The following CA10 variants were observed in gnomAD, a reference collection of about 807,000 sequenced individuals.
The protein encoded by CA10 is carbonic anhydrase-related protein 10.
Under a neutral mutation model 44.2 loss-of-function variants are expected in CA10, and 14 were observed. The observed-to-expected ratio is 0.32, with a 90% CI of 0.21 to 0.50. The LOEUF (loss-of-function observed/expected upper bound fraction) is 0.50. CA10 is among the 20% of genes least tolerant of loss of function. CA10 has a pLI of 0.99. For synonymous variants in CA10, 159 were observed against 141.6 expected, an observed-to-expected ratio of 1.12 and a Z score of -0.87; for missense variants, 350 against 409.7, an observed-to-expected ratio of 0.85 and a Z score of 1.26.
intron 3 of CA10, among the ~76,000 whole-genome samples, chr17:51,887,120 A>G (rs758395820): frequency 1.6e-4 from 25 of 152,034 alleles, no homozygotes; most frequent in Non-Finnish European, 3.4e-4. Context: ...TATATATCCT[A>G]TAAGTCTGTT....
chr17:51,866,486 T>C (rs73346530), intron 3 of CA10, among the ~76,000 whole-genome samples: 9,484 of 152,242 alleles, frequency 0.062, 981 homozygotes, highest in African/African-American at 0.22. Context: ...AGACCATGCT[T>C]CCAGTGACTC....
chr17:52,071,964 G>A (rs1333982118), intron 2 of CA10, among the ~76,000 whole-genome samples: 1 of 152,196 alleles, frequency 6.6e-6, no homozygotes, highest in Non-Finnish European at 1.5e-5. Flanking sequence ...GACAGCATGT[G>A]TTCCAGCAGC....
chr17:52,057,758 G>A (rs1987270411), intron 2 of CA10, among the ~76,000 whole-genome samples: 1 of 152,060 alleles, frequency 6.6e-6, no homozygotes, highest in Non-Finnish European at 1.5e-5. Flanking sequence ...CCAGCACCTG[G>A]GGATAATAAA....
chr17:52,066,545 G>A (rs575460778), intron 2 of CA10, among the ~76,000 whole-genome samples: 1 of 152,282 alleles, frequency 6.6e-6, no homozygotes, highest in East Asian at 1.9e-4. Context: ...GAGTTCCTCT[G>A]CACAAGCTCT....
intron 2 of CA10, among the ~76,000 whole-genome samples, chr17:52,065,261 T>C (rs1987502258): frequency 6.6e-6 from 1 of 152,250 alleles, no homozygotes; most frequent in Non-Finnish European, 1.5e-5. Context: ...ACTAGGCTTT[T>C]TAAAACCTTG....
intron 2 of CA10, among the ~76,000 whole-genome samples, chr17:51,953,021 T>C (rs1212769473): frequency 1.3e-5 from 2 of 152,160 alleles, no homozygotes; most frequent in Non-Finnish European, 2.9e-5. Context: ...CTCAGTCTCC[T>C]AAAGTATTAG....
At chr17:52,012,447 A>G (rs2144138026) in intron 2 of CA10, among the ~76,000 whole-genome samples, 1 of 152,152 alleles carries the variant, frequency 6.6e-6, no homozygotes, top group Middle Eastern at 3.4e-3. Context: ...AAATGGTAGA[A>G]GCTGAGTCTA....
At chr17:51,897,425 T>G (rs1981119332) in intron 3 of CA10, among the ~76,000 whole-genome samples, 1 of 152,176 alleles carries the variant, frequency 6.6e-6, no homozygotes, top group Admixed American at 6.6e-5. Flanking sequence ...TTGTTCTGTG[T>G]GCCTGTTTTT....
intron 4 of CA10, among the ~76,000 whole-genome samples, chr17:51,746,699 A>G (rs1308537519): frequency 6.6e-6 from 1 of 152,172 alleles, no homozygotes; most frequent in East Asian, 1.9e-4. Flanking sequence ...GTGCCTAGGC[A>G]GGCTCTTAGT....
chr17:51,924,909 C>T (rs753667290), intron 3 of CA10, among the ~76,000 whole-genome samples: 12 of 152,124 alleles, frequency 7.9e-5, no homozygotes, highest in South Asian at 4.1e-4. Context: ...AGGAAATTGG[C>T]GACAACAGTA....
At chr17:51,721,561 C>T (rs1916349678) in intron 4 of CA10, among the ~76,000 whole-genome samples, 1 of 151,882 alleles carries the variant, frequency 6.6e-6, no homozygotes, top group Non-Finnish European at 1.5e-5. Flanking sequence ...TCTCGAACTC[C>T]TGAGCTCAAG....
rs76145078 is a variant in CA10 at position 51,821,333 on chromosome 17, G to A, written c.280-73515C>T. 3.4e-4 allele frequency among the ~76,000 whole-genome samples: 51 copies of A among 151,802 alleles called. 2 individuals carry two copies. The East Asian group carries it at 9.9e-3, about 29-fold the overall frequency. On this transcript the variant is annotated intron_variant, in intron 3 of 8. Transcript: ENST00000451037. ...AAGTGCCATGGACAGGTGGAAAGAG[G>A]GAAAGTCAATATTGAACGACCATCC... is the stretch of plus-strand genomic sequence containing the variant.
intron 2 of CA10, among the ~76,000 whole-genome samples, chr17:51,962,982 A>G (rs1408412850): frequency 1.3e-5 from 2 of 152,204 alleles, no homozygotes; most frequent in Non-Finnish European, 2.9e-5. Context: ...AGGAAGCTCA[A>G]TGATATCTAA....
At chr17:51,702,831 A>T (rs2143464876) in intron 4 of CA10, among the ~76,000 whole-genome samples, 1 of 152,296 alleles carries the variant, frequency 6.6e-6, no homozygotes, top group East Asian at 1.9e-4. Flanking sequence ...CTCCTCTTCC[A>T]GTTCCTATAA....
intron 3 of CA10, among the ~76,000 whole-genome samples, chr17:51,832,059 G>T (rs1341923987): frequency 6.6e-6 from 1 of 152,132 alleles, no homozygotes; most frequent in Admixed American, 6.5e-5. Context: ...CCAACTTCTA[G>T]GTGCTTCAGG....
At chr17:52,053,088 C>A (rs1987123898) in intron 2 of CA10, among the ~76,000 whole-genome samples, 1 of 152,004 alleles carries the variant, frequency 6.6e-6, no homozygotes, top group Non-Finnish European at 1.5e-5. Context: ...CTTTAGAGGA[C>A]TAAAATGCAA....
intron 3 of CA10, among the ~76,000 whole-genome samples, chr17:51,902,131 AGAC>A (rs1187704598): frequency 1.3e-5 from 2 of 152,178 alleles, no homozygotes; most frequent in African/African-American, 4.8e-5. Flanking sequence ...TAAAATAAAC[AGAC>A]GATGTGCAAT....
rs148488073 is a variant in CA10 at position 51,771,118 on chromosome 17, G to A, written c.280-23300C>T. On this transcript the variant is annotated intron_variant, in intron 3 of 8. Coordinates refer to ENST00000451037, the MANE Select transcript of CA10 (RefSeq NM_020178.5). ...CAGTCTGGCGACAGAGTAAGACTCC[G>A]TCTCAAAAAAAAAAAAAAAAAAAAA... is the stretch of plus-strand genomic sequence containing the variant. Among the ~76,000 whole-genome samples the A allele has an allele frequency of 6.8e-3, 501 of 74,148 alleles. 3 individuals carry two copies. Among genetic ancestry groups the A allele is most frequent in the South Asian group, 0.012 (20 of 1,632 alleles). The allele number at this position is 74,148 out of a possible 152,430, so 48.6% of individuals were successfully genotyped here.
intron 4 of CA10, among the ~76,000 whole-genome samples, chr17:51,718,226 T>G (rs997274530): frequency 4.5e-5 from 1 of 22,218 alleles, no homozygotes; most frequent in African/African-American, 1.2e-4. Flanking sequence ...AAAAAAGATT[T>G]AAAATGAAAA....
Sources: allele counts gnomAD v4.1 joint callset (sites outside exome capture counted in the v4.1 genomes callset), GRCh38; gene constraint gnomAD v4.1.1; transcripts MANE v1.5; gene names NCBI Gene and HGNC (gene_info 2026-07-23, HGNC 2026-07-21).